The following SRPK2 variants were observed in gnomAD, a reference collection of about 807,000 sequenced individuals.
The protein encoded by SRPK2 is SRSF protein kinase 2.
SRPK2 carries 21 observed loss-of-function variants against 90.8 expected under a neutral mutation model. The observed-to-expected ratio is 0.23, with a 90% CI of 0.16 to 0.33. The LOEUF (loss-of-function observed/expected upper bound fraction) is 0.33. Among genes scored for constraint, SRPK2 ranks in the 10% least tolerant of loss-of-function variants. The pLI is 1.00. For synonymous variants in SRPK2, 288 were observed against 311.1 expected (o/e 0.93, Z 0.78); for missense variants, 620 against 869.0 (o/e 0.71, Z 3.60).
At chr7:105,148,399 A>G (rs1804988678) in intron 7 of SRPK2, among the ~76,000 whole-genome samples, 1 of 152,240 alleles carries the variant, frequency 6.6e-6, no homozygotes, top group Non-Finnish European at 1.5e-5. Flanking sequence ...TCAAAAACTT[A>G]CAGTGTCAGT....
chr7:105,318,579 T>C (rs1812567239), intron 2 of SRPK2, among the ~76,000 whole-genome samples: 1 of 152,226 alleles, frequency 6.6e-6, no homozygotes, highest in South Asian at 2.1e-4. Flanking sequence ...ATTACCAAAT[T>C]CCTTAATACA....
intron 2 of SRPK2, among the ~76,000 whole-genome samples, chr7:105,295,089 G>A (rs1273570658): frequency 6.6e-6 from 1 of 151,798 alleles, no homozygotes; most frequent in Non-Finnish European, 1.5e-5. Context: ...GCATGCGCCT[G>A]TAGTCCCAGC....
intron 2 of SRPK2, chr7:105,298,652 G>A: frequency 1.2e-6 from 1 of 843,714 alleles, no homozygotes; most frequent in Non-Finnish European, 1.4e-6. Context: ...AAATAAAAAG[G>A]CCCCATAGGA....
At chr7:105,361,561 C>T (rs930624016) in intron 2 of SRPK2, among the ~76,000 whole-genome samples, 1 of 152,132 alleles carries the variant, frequency 6.6e-6, no homozygotes, top group African/African-American at 2.4e-5. Context: ...ATCATGCTAC[C>T]TGACTTCAGA....
intron 2 of SRPK2, among the ~76,000 whole-genome samples, chr7:105,248,880 C>G (rs1039624700): frequency 1.3e-5 from 2 of 150,742 alleles, no homozygotes; most frequent in South Asian, 2.1e-4. Flanking sequence ...GAGCCGAGAT[C>G]GTGCCACTGC....
At chr7:105,268,518 C>T (rs1263038357) in intron 2 of SRPK2, among the ~76,000 whole-genome samples, 2 of 152,184 alleles carry the variant, frequency 1.3e-5, no homozygotes, top group African/African-American at 2.4e-5. Context: ...TGCTTTTTAG[C>T]TAAATTATTT....
chr7:105,124,207 G>A (rs372334321), intron 15 of SRPK2, among the ~76,000 whole-genome samples: 70 of 152,332 alleles, frequency 4.6e-4, no homozygotes, highest in South Asian at 2.1e-3. Flanking sequence ...CCTGCAGGCC[G>A]CTGACAGGCC....
At chr7:105,187,285 T>C (rs1793708150) in intron 3 of SRPK2, among the ~76,000 whole-genome samples, 1 of 152,210 alleles carries the variant, frequency 6.6e-6, no homozygotes, top group Admixed American at 6.5e-5. Flanking sequence ...CCTTTGTTGC[T>C]GGCCTTTCAA....
chr7:105,340,992 G>A (rs1169300345), intron 2 of SRPK2, among the ~76,000 whole-genome samples: 3 of 152,142 alleles, frequency 2.0e-5, no homozygotes, highest in African/African-American at 7.2e-5. Context: ...TTTTCCAAGT[G>A]ATTAACGGAT....
At chr7:105,152,714 T>TCA (rs1472170877) in intron 7 of SRPK2, among the ~76,000 whole-genome samples, 1 of 152,156 alleles carries the variant, frequency 6.6e-6, no homozygotes, top group African/African-American at 2.4e-5. Context: ...ACTTGTCAAA[T>TCA]CACAGTATGT....
chr7:105,334,632 G>A (rs1254875758), intron 2 of SRPK2, among the ~76,000 whole-genome samples: 1 of 151,996 alleles, frequency 6.6e-6, no homozygotes. Context: ...GAGGTCAGGA[G>A]TCCGAGACCA....
intron 2 of SRPK2, among the ~76,000 whole-genome samples, chr7:105,246,065 A>C (rs1801617035): frequency 6.6e-6 from 1 of 152,254 alleles, no homozygotes; most frequent in South Asian, 2.1e-4. Flanking sequence ...CTGGAAGGTT[A>C]CATCGGCAAA....
intron 2 of SRPK2, among the ~76,000 whole-genome samples, chr7:105,331,308 C>CAAAAA (rs57653042): frequency 0.1 from 4,707 of 44,932 alleles, 1,433 homozygotes; most frequent in Non-Finnish European, 0.14. Flanking sequence ...GACTCCGTCT[C>CAAAAA]AAAAAAAAAA....
At chr7:105,195,327 G>T (rs1162616573) in intron 3 of SRPK2, among the ~76,000 whole-genome samples, 1 of 152,260 alleles carries the variant, frequency 6.6e-6, no homozygotes, top group Non-Finnish European at 1.5e-5. Flanking sequence ...GGGATTACAG[G>T]CGTGGGCCAC....
Position 105,269,480 on chromosome 7 carries a change from T to C in SRPK2, c.72-65695A>G, listed in dbSNP as rs1300870902. Among the ~76,000 whole-genome samples the C allele has an allele frequency of 2.6e-5, 4 of 152,216 alleles. No individual in the cohort carries two copies. The East Asian group carries it at 7.7e-4, about 29-fold the overall frequency. On this transcript the variant is annotated intron_variant, in intron 2 of 15. Transcript: ENST00000393651. The stretch of plus-strand genomic sequence containing the variant: ...ACTCCTCTAGAAAGAGACTTCTGAT[T>C]TTATACCTTAATTTTCCCCTCCTCC...
chr7:105,365,880 G>A (rs939363578), intron 2 of SRPK2, among the ~76,000 whole-genome samples: 7 of 150,436 alleles, frequency 4.7e-5, no homozygotes, highest in Non-Finnish European at 7.4e-5. Flanking sequence ...TTTTTTAGAC[G>A]GAGTCTCGCT....
At chr7:105,144,017 C>G (rs1804176670) in intron 9 of SRPK2, 1 of 152,254 alleles carries the variant, frequency 6.6e-6, no homozygotes. Context: ...AAAGCTCCCT[C>G]TTGTTCCAGA....
chr7:105,266,329 A>G (rs1485295101), intron 2 of SRPK2, among the ~76,000 whole-genome samples: 1 of 152,194 alleles, frequency 6.6e-6, no homozygotes. Context: ...CAATTCTTTT[A>G]AAAGGATAAA....
intron 2 of SRPK2, among the ~76,000 whole-genome samples, chr7:105,315,883 C>T (rs547714100): frequency 4.3e-4 from 65 of 152,186 alleles, no homozygotes; most frequent in Non-Finnish European, 8.2e-4. Context: ...TGATGGTTTT[C>T]CTCCTAACCC....
Sources: allele counts gnomAD v4.1 joint callset (sites outside exome capture counted in the v4.1 genomes callset), GRCh38; gene constraint gnomAD v4.1.1; transcripts MANE v1.5; gene names NCBI Gene and HGNC (gene_info 2026-07-23, HGNC 2026-07-21).